Variants in ATP2B1 observed in about 807,000 individuals in gnomAD.
ATP2B1 encodes the protein plasma membrane calcium-transporting ATPase 1.
Under a neutral mutation model 124.2 loss-of-function variants are expected in ATP2B1, and 14 were observed. That is an observed-to-expected ratio of 0.11 (90% CI 0.07 to 0.18). The LOEUF is 0.18. Ranked by LOEUF, ATP2B1 falls within the 10% of genes least tolerant of loss-of-function variation. The probability of loss-of-function intolerance (pLI) is 1.00; values close to 1 mark genes in which losing one functional copy is unlikely to be tolerated. For synonymous variants in ATP2B1, 449 were observed against 492.4 expected (o/e 0.91, Z 1.17); for missense variants, 763 against 1,466.1 (o/e 0.52, Z 7.83).
intron 15 of ATP2B1, among the ~76,000 whole-genome samples, chr12:89,607,615 T>C (rs1877168397): frequency 6.6e-6 from 1 of 152,202 alleles, no homozygotes; most frequent in Non-Finnish European, 1.5e-5. Flanking sequence ...ATAGATGTAT[T>C]TGATTATTGG....
At chr12:89,691,918 C>T (rs1890599582) in intron 1 of ATP2B1, among the ~76,000 whole-genome samples, 2 of 152,094 alleles carry the variant, frequency 1.3e-5, no homozygotes, top group South Asian at 2.1e-4. Context: ...TGTCACAAGT[C>T]AGGCAAAGCA....
chr12:89,654,786 TTC>T (rs1885755554), intron 2 of ATP2B1, among the ~76,000 whole-genome samples: 2 of 152,290 alleles, frequency 1.3e-5, no homozygotes, highest in Admixed American at 1.3e-4. Context: ...TTTGCTTAAT[TTC>T]TCTAGAATTA....
intron 2 of ATP2B1, among the ~76,000 whole-genome samples, chr12:89,652,006 G>A (rs769449896): frequency 1.3e-5 from 2 of 152,148 alleles, no homozygotes; most frequent in African/African-American, 2.4e-5. Context: ...GTCTTGGGTT[G>A]CTCCTCCATA....
At position 89,603,790 on chromosome 12, in the gene ATP2B1, T is replaced by A; in HGVS notation, c.2770A>T (p.Ile924Phe). Residue 924 changes from isoleucine to phenylalanine, a missense_variant, in exon 17 of 21, where the codon ATC becomes TTC. Around this residue, in one of 7 missense-constraint regions of ATP2B1, gnomAD observed 118 missense variants for 240.3 expected, o/e 0.49. Transcript: ENST00000428670. The surrounding 1 kb of genome is among the most constrained non-coding windows in gnomAD (Gnocchi z 4.3). Reference sequence around the variant, plus strand: ...ATATTCTTCATCATTGTACGTGAGATGAGAGGCTTATTTCTACCATAAGGT... The same window carrying A: ...ATATTCTTCATCATTGTACGTGAGAAGAGAGGCTTATTTCTACCATAAGGT... ...RKPYGRNKPL[I>F]SRTMMKNILG... The A allele has an allele frequency of 6.2e-7, 1 of 1,614,156 alleles. No individual in the cohort carries two copies. Among genetic ancestry groups the A allele is most frequent in the Non-Finnish European group, 8.5e-7 (1 of 1,180,004 alleles).
intron 1 of ATP2B1, among the ~76,000 whole-genome samples, chr12:89,681,694 C>A (rs1033210393): frequency 6.6e-6 from 1 of 151,994 alleles, no homozygotes; most frequent in African/African-American, 2.4e-5. Context: ...AAAAAATATA[C>A]CATGATCAAG....
chr12:89,590,696 T>C lies in ATP2B1; in HGVS notation c.*288A>G, dbSNP rs1466582254. 3.7e-6 allele frequency: 1 copy of C among 273,058 alleles called. No individual in the cohort carries two copies. Among genetic ancestry groups the C allele is most frequent in the East Asian group, 7.1e-5 (1 of 14,056 alleles). 16.9% of individuals were successfully genotyped at this position (273,058 alleles called of 1,614,324 possible). On this transcript the variant is annotated 3_prime_UTR_variant, in exon 21 of 21. Transcript: ENST00000428670. Reference sequence around the variant, plus strand: ...CTGAGATAAACTAAAGCTCTGCTAATACACTGTTCAGGACCATGCTTGGGT... The same window carrying C: ...CTGAGATAAACTAAAGCTCTGCTAACACACTGTTCAGGACCATGCTTGGGT...
intron 1 of ATP2B1, among the ~76,000 whole-genome samples, chr12:89,693,430 C>T (rs1379152591): frequency 7.2e-5 from 11 of 152,132 alleles, no homozygotes; most frequent in African/African-American, 7.2e-5. Context: ...AAATGATAAG[C>T]ACCTAACTTT....
intron 20 of ATP2B1, 31 bp downstream of exon 20, chr12:89,599,086 C>T (rs1875278088): frequency 6.3e-7 from 1 of 1,598,296 alleles, no homozygotes; most frequent in Non-Finnish European, 8.5e-7. Context: ...TGGCTCCCAT[C>T]ATCTCTCCTA....
chr12:89,608,908 T>C (rs1037353220), intron 15 of ATP2B1, among the ~76,000 whole-genome samples: 9 of 152,120 alleles, frequency 5.9e-5, no homozygotes, highest in African/African-American at 1.9e-4. Context: ...TGCCAACCAT[T>C]TAAATTTGGG....
At chr12:89,704,466 A>G (rs1284022533) in intron 1 of ATP2B1, among the ~76,000 whole-genome samples, 2 of 152,148 alleles carry the variant, frequency 1.3e-5, no homozygotes, top group Non-Finnish European at 2.9e-5. Context: ...CTGATTTTCC[A>G]TACATAACTT....
chr12:89,632,141 CT>C (rs35538303), intron 5 of ATP2B1, among the ~76,000 whole-genome samples: 24,606 of 147,450 alleles, frequency 0.17, 2,135 homozygotes, highest in Non-Finnish European at 0.2. Flanking sequence ...TTTAAAGCAA[CT>C]TTTTTTTTTT....
At chr12:89,613,707 T>C (rs963931165) in intron 12 of ATP2B1, among the ~76,000 whole-genome samples, 9 of 152,098 alleles carry the variant, frequency 5.9e-5, no homozygotes, top group Non-Finnish European at 1.2e-4. Flanking sequence ...AAGGGAGAAA[T>C]TGGTCTCAGG....
At chr12:89,612,600 G>A (rs959115739) in intron 12 of ATP2B1, among the ~76,000 whole-genome samples, 5 of 152,100 alleles carry the variant, frequency 3.3e-5, no homozygotes, top group African/African-American at 9.7e-5. Flanking sequence ...AACTCCCCCC[G>A]CCCAACAAAG....
chr12:89,660,460 A>C (rs1179257905), intron 1 of ATP2B1, among the ~76,000 whole-genome samples: 1 of 152,220 alleles, frequency 6.6e-6, no homozygotes, highest in African/African-American at 2.4e-5. Context: ...GTTTACTCAA[A>C]GCTAAAAAAT....
Position 89,623,031 on chromosome 12 carries a change from A to G in ATP2B1, c.1344+1152T>C, listed in dbSNP as rs1386295011. ...AATTACTTTAAAATATCAAAAAAGGACAGATAGATGATTATACTGTATCTT... is the reference window on the plus strand; with the variant it reads ...AATTACTTTAAAATATCAAAAAAGGGCAGATAGATGATTATACTGTATCTT... On this transcript the variant is annotated intron_variant, in intron 9 of 20. Coordinates refer to ENST00000428670, the MANE Select transcript of ATP2B1 (RefSeq NM_001366521.1). Among the ~76,000 whole-genome samples, 16 of 151,382 alleles carry G rather than the reference A, an allele frequency of 1.1e-4. No individual in the cohort carries two copies. In the East Asian group the frequency reaches 2.9e-3, roughly 28 times the overall value.
At chr12:89,614,707 C>A (rs1878652335) in intron 12 of ATP2B1, among the ~76,000 whole-genome samples, 1 of 152,230 alleles carries the variant, frequency 6.6e-6, no homozygotes, top group African/African-American at 2.4e-5. Flanking sequence ...CACTTTCAGG[C>A]TCTGAGGTCC....
intron 2 of ATP2B1, among the ~76,000 whole-genome samples, chr12:89,648,700 A>G (rs899291990): frequency 6.6e-6 from 1 of 152,280 alleles, no homozygotes; most frequent in African/African-American, 2.4e-5. Flanking sequence ...CTGAGTGCTA[A>G]TAGATAAGGC....
chr12:89,671,130 A>G (rs540285203), intron 1 of ATP2B1, among the ~76,000 whole-genome samples: 2 of 152,304 alleles, frequency 1.3e-5, no homozygotes, highest in South Asian at 4.1e-4. Context: ...AATTTCATAG[A>G]GCTCAACCTA....
At chr12:89,644,162 A>G (rs1225804246) in intron 2 of ATP2B1, among the ~76,000 whole-genome samples, 1 of 152,200 alleles carries the variant, frequency 6.6e-6, no homozygotes, top group Non-Finnish European at 1.5e-5. Context: ...ATGCTAGAGA[A>G]GAAGGCAGAG....
Sources: gnomAD v4.1 joint callset for allele counts (sites outside exome capture counted in the v4.1 genomes callset) on GRCh38, gnomAD v4.1.1 for gene constraint, gnomAD v4.1.1 regional missense constraint, Gnocchi (gnomAD v3.1) non-coding constraint, MANE v1.5 for transcripts, NCBI Gene and HGNC (gene_info 2026-07-23, HGNC 2026-07-21) for gene names.